The following UBR2 variants were observed in gnomAD, a reference collection of about 807,000 sequenced individuals.
The protein encoded by UBR2 is ubiquitin protein ligase E3 component n-recognin 2, also known as E3 ubiquitin-protein ligase UBR2.
A neutral mutation model predicts 247.9 loss-of-function variants in UBR2; 92 were observed. That is an observed-to-expected ratio of 0.37 (90% CI 0.31 to 0.44). UBR2 has a LOEUF of 0.44. Among genes scored for constraint, UBR2 ranks in the 20% least tolerant of loss-of-function variants. The pLI is 1.00. For missense variants in UBR2, 1,613 were observed against 2,112.6 expected (o/e 0.76, Z 4.64); for synonymous variants, 672 against 693.5 (o/e 0.97, Z 0.49).
intron 43 of UBR2, among the ~76,000 whole-genome samples, chr6:42,684,252 A>G (rs961243891): frequency 6.6e-6 from 1 of 152,132 alleles, no homozygotes; most frequent in African/African-American, 2.4e-5. Flanking sequence ...TGTCCCCTCA[A>G]AATTCCCCCA....
At position 42,659,952 on chromosome 6, in the gene UBR2, C is replaced by T. The variant is rs1797708243; in HGVS notation, c.3442+97C>T. 8.3e-7 allele frequency: 1 copy of T among 1,209,534 alleles called. No individual in the cohort carries two copies. The highest frequency in any genetic ancestry group is 1.5e-5 in the African/African-American group (1 of 65,936). The allele number at this position is 1,209,534 out of a possible 1,614,324, so 74.9% of individuals were successfully genotyped here. ...AGATTTTTTAAACCTAAAAATAACT[C>T]CATGGACTTGGATGGTATCTTTGGC... is the stretch of plus-strand genomic sequence containing the variant. On this transcript the variant is annotated intron_variant, in intron 30 of 46. Transcript: ENST00000372901. The surrounding 1 kb of genome is among the most constrained non-coding windows in gnomAD (Gnocchi z 4.3).
chr6:42,589,398 T>C (rs1233762729), intron 2 of UBR2, among the ~76,000 whole-genome samples: 1 of 152,240 alleles, frequency 6.6e-6, no homozygotes, highest in Non-Finnish European at 1.5e-5. Flanking sequence ...TAGAATTCTT[T>C]TTATACGTTG....
chr6:42,680,756 C>T (rs1412316339), intron 42 of UBR2, among the ~76,000 whole-genome samples: 1 of 152,176 alleles, frequency 6.6e-6, no homozygotes, highest in Non-Finnish European at 1.5e-5. Flanking sequence ...TTGCAAACTA[C>T]ATATCTGATA....
At chr6:42,687,703 G>A (rs1799525206) in intron 44 of UBR2, among the ~76,000 whole-genome samples, 1 of 151,958 alleles carries the variant, frequency 6.6e-6, no homozygotes, top group Non-Finnish European at 1.5e-5. Context: ...ACCATGCCTG[G>A]CTAATTTTTG....
chr6:42,575,647 G>T (rs1170451343), intron 2 of UBR2, among the ~76,000 whole-genome samples: 1 of 152,138 alleles, frequency 6.6e-6, no homozygotes, highest in East Asian at 1.9e-4. Context: ...TTCGTAATTA[G>T]ATTCAAGTTG....
chr6:42,619,206 C>T lies in UBR2; in HGVS notation c.1281+1699C>T, dbSNP rs115744406. 9.4e-4 allele frequency among the ~76,000 whole-genome samples: 142 copies of T among 151,054 alleles called. 1 individual carries two copies. Among genetic ancestry groups the T allele is most frequent in the African/African-American group, 3.2e-3 (132 of 41,164 alleles). ...TTTTCGCTTATTCTTAGGCCTTTTT[C>T]AAAAAGATGAAGTAAAATCAGATTG... On this transcript the variant is annotated intron_variant, in intron 11 of 46. Coordinates refer to ENST00000372901, the MANE Select transcript of UBR2 (RefSeq NM_001363705.2).
At chr6:42,641,505 G>A (rs368198009) in intron 16 of UBR2, 77 bp from the exon 17 acceptor site, 16 of 1,060,138 alleles carry the variant, frequency 1.5e-5, no homozygotes, top group Admixed American at 7.5e-5. Flanking sequence ...TATCTCTATC[G>A]ACCAAACTTC....
chr6:42,681,537 C>G (rs1799051486), intron 42 of UBR2, among the ~76,000 whole-genome samples: 1 of 152,110 alleles, frequency 6.6e-6, no homozygotes, highest in Non-Finnish European at 1.5e-5. Context: ...GGAAATCACA[C>G]TGACATACCA....
intron 39 of UBR2, 44 bp from the exon 40 acceptor site, chr6:42,676,739 C>T: frequency 6.8e-7 from 1 of 1,475,538 alleles, no homozygotes; most frequent in Non-Finnish European, 9.5e-7. Flanking sequence ...TTTGATAACA[C>T]TTAATTGGAA....
intron 46 of UBR2, among the ~76,000 whole-genome samples, chr6:42,690,333 C>A (rs1265100119): frequency 6.6e-6 from 1 of 152,242 alleles, no homozygotes; most frequent in African/African-American, 2.4e-5. Context: ...GACTGCGAGG[C>A]TATGCCCATA....
At chr6:42,646,868 C>G (rs1212078127) in intron 21 of UBR2, among the ~76,000 whole-genome samples, 1 of 151,576 alleles carries the variant, frequency 6.6e-6, no homozygotes, top group Non-Finnish European at 1.5e-5. Context: ...GTCACCCAGG[C>G]TGGAGTACAA....
chr6:42,649,397 T>G (rs1478837461), intron 22 of UBR2, among the ~76,000 whole-genome samples: 2 of 152,186 alleles, frequency 1.3e-5, no homozygotes, highest in Admixed American at 1.3e-4. Flanking sequence ...TATAAACAAA[T>G]ATTGAAAATC....
intron 34 of UBR2, 63 bp from the exon 35 acceptor site, chr6:42,670,026 GAAA>G: frequency 3.5e-5 from 55 of 1,569,820 alleles, no homozygotes; most frequent in South Asian, 4.6e-5. Context: ...GAGCTGTTAA[GAAA>G]CCGAACCATT....
chr6:42,618,979 T>G (rs576079009), intron 11 of UBR2, among the ~76,000 whole-genome samples: 1 of 152,282 alleles, frequency 6.6e-6, no homozygotes, highest in East Asian at 1.9e-4. Flanking sequence ...GTGATGCTTT[T>G]AGTTTAGTCA....
At chr6:42,578,627 A>G (rs1003438894) in intron 2 of UBR2, among the ~76,000 whole-genome samples, 1 of 152,058 alleles carries the variant, frequency 6.6e-6, no homozygotes, top group African/African-American at 2.4e-5. Context: ...ACTCTTCTTC[A>G]TATAAATTAC....
At chr6:42,667,225 A>G (rs550703043) in intron 34 of UBR2, among the ~76,000 whole-genome samples, 172 of 152,076 alleles carry the variant, frequency 1.1e-3, no homozygotes, top group African/African-American at 3.7e-3. Flanking sequence ...AATCCCAGCT[A>G]CTTGGGGGGC....
At chr6:42,597,481 G>A (rs111538804) in intron 4 of UBR2, among the ~76,000 whole-genome samples, 3,542 of 151,552 alleles carry the variant, frequency 0.023, 126 homozygotes, top group African/African-American at 0.08. Context: ...CTGTAGTCCC[G>A]GCTATTCAGG....
chr6:42,576,593 A>G (rs1791532205), intron 2 of UBR2, among the ~76,000 whole-genome samples: 1 of 142,992 alleles, frequency 7.0e-6, no homozygotes, highest in African/African-American at 2.6e-5. Context: ...GTAGTGGCAT[A>G]ATCTCGGCTC....
At position 42,628,029 on chromosome 6, in the gene UBR2, TC is replaced by T. The variant is rs769010214; in HGVS notation, c.1282-4519del. On this transcript the variant is annotated intron_variant, in intron 11 of 46. Coordinates refer to ENST00000372901, the MANE Select transcript of UBR2 (RefSeq NM_001363705.2). ...TTTGTTTTTTTCTTGGGATCTTAAA[TC>T]CCCTCTTACCCCACTCCCAGAATAG... Among the ~76,000 whole-genome samples, 73 of 152,176 alleles carry T rather than the reference TC, an allele frequency of 4.8e-4. 1 individual carries two copies. The highest frequency in any genetic ancestry group is 8.5e-4 in the Non-Finnish European group (58 of 67,992).
Sources: allele counts gnomAD v4.1 joint callset (sites outside exome capture counted in the v4.1 genomes callset), GRCh38; gene constraint gnomAD v4.1.1; non-coding constraint Gnocchi (gnomAD v3.1); transcripts MANE v1.5; gene names NCBI Gene and HGNC (gene_info 2026-07-23, HGNC 2026-07-21).